GNAS: variants seen among roughly 807,000 people sequenced by gnomAD.
The protein encoded by GNAS is protein ALEX.
A neutral mutation model predicts 54.5 loss-of-function variants in GNAS; 8 were observed. The observed-to-expected ratio is 0.15, with a 90% CI of 0.09 to 0.26. The LOEUF (loss-of-function observed/expected upper bound fraction) is 0.26. GNAS is among the 10% of genes least tolerant of loss of function. The pLI is 1.00. For missense variants in GNAS, 170 were observed against 529.8 expected (o/e 0.32, Z 6.67); for synonymous variants, 204 against 191.4 (o/e 1.07, Z -0.54).
At chr20:58,878,902 G>A (rs1327598292) in intron 1 of GNAS, among the ~76,000 whole-genome samples, 14 of 145,904 alleles carry the variant, frequency 9.6e-5, no homozygotes, top group African/African-American at 3.6e-4. Flanking sequence ...GGTGGTGGTG[G>A]GGGTGCGGGT....
upstream of GNAS, among the ~76,000 whole-genome samples, chr20:58,889,886 G>T (rs920423385): frequency 1.3e-5 from 2 of 151,598 alleles, no homozygotes; most frequent in African/African-American, 2.4e-5. Flanking sequence ...CCACCATGCT[G>T]AAGATGGCCA....
rs1207881373 is a variant in GNAS at position 58,853,289 on chromosome 20, C to T, written c.43+12403C>T. The T allele has an allele frequency of 6.5e-7, 1 of 1,548,578 alleles. No homozygotes were observed. The highest frequency in any genetic ancestry group is 1.2e-5 in the South Asian group (1 of 84,044). On this transcript the variant is annotated intron_variant, in intron 1 of 12. Transcript: ENST00000306090. This position sits in a 1 kb window ranked among gnomAD's most constrained non-coding sequence, Gnocchi z 4.4. ...TTATGGGCGTGCGCAACTGCCTCTACGGCAATAATATGTCAGGACAACGCG... is the reference window on the plus strand; with the variant it reads ...TTATGGGCGTGCGCAACTGCCTCTATGGCAATAATATGTCAGGACAACGCG...
intron 1 of GNAS, among the ~76,000 whole-genome samples, chr20:58,881,275 G>A (rs922107637): frequency 1.3e-5 from 2 of 152,310 alleles, no homozygotes; most frequent in Non-Finnish European, 2.9e-5. Context: ...CAATGGTTAT[G>A]AGTAAAAGGA....
chr20:58,876,144 A>G lies in GNAS; in HGVS notation c.44-19468A>G, dbSNP rs201991094. ...CATCTTGACTTGCCAGATATTAGCAATACTCTTATAGAAACCCAAAAGCCT... is the reference window on the plus strand; with the variant it reads ...CATCTTGACTTGCCAGATATTAGCAGTACTCTTATAGAAACCCAAAAGCCT... On this transcript the variant is annotated intron_variant, in intron 1 of 12. Transcript: ENST00000306090. Among the ~76,000 whole-genome samples the G allele has an allele frequency of 5.3e-5, 8 of 152,290 alleles. No homozygotes were observed. In the East Asian group the frequency reaches 1.5e-3, roughly 29 times the overall value.
chr20:58,902,659 CA>C (rs1289787648), intron 3 of GNAS, among the ~76,000 whole-genome samples: 14 of 149,652 alleles, frequency 9.4e-5, no homozygotes, highest in Non-Finnish European at 1.9e-4. Context: ...GACCAACATG[CA>C]CTAACATCAT....
intron 1 of GNAS, among the ~76,000 whole-genome samples, chr20:58,878,508 C>T (rs539646999): frequency 6.1e-4 from 93 of 152,316 alleles, no homozygotes; most frequent in African/African-American, 2.1e-3. Flanking sequence ...AGTGCAACAT[C>T]TGCAGAATCT....
rs555228347 is a variant in GNAS at position 58,896,285 on chromosome 20, A to T, written c.212+601A>T. Among the ~76,000 whole-genome samples the T allele has an allele frequency of 2.0e-5, 3 of 152,280 alleles. No individual in the cohort carries two copies. In the East Asian group the frequency reaches 5.8e-4, roughly 29 times the overall value. On this transcript the variant is annotated intron_variant, in intron 2 of 12. Coordinates refer to ENST00000371085, the MANE Select transcript of GNAS (RefSeq NM_000516.7). ...GGGTAAATCATTGTTTCCCTTTAAAACAAAAAACAAATCAGTACCCCTGCC... is the reference window on the plus strand; with the variant it reads ...GGGTAAATCATTGTTTCCCTTTAAATCAAAAAACAAATCAGTACCCCTGCC...
At position 58,876,318 on chromosome 20, in the gene GNAS, T is replaced by G. The variant is rs559962840; in HGVS notation, c.44-19294T>G. On this transcript the variant is annotated intron_variant, in intron 1 of 12. Transcript: ENST00000306090. ...TGACAGCTGGGATGAATATTATGAG[T>G]CCCTCCCATAATGTGTATTTGAATA... 5.9e-5 allele frequency among the ~76,000 whole-genome samples: 9 copies of G among 152,150 alleles called. No homozygotes were observed. In the East Asian group the frequency reaches 1.5e-3, roughly 26 times the overall value.
At chr20:58,847,881 G>A (rs946037317) in intron 1 of GNAS, among the ~76,000 whole-genome samples, 2 of 152,166 alleles carry the variant, frequency 1.3e-5, no homozygotes, top group Non-Finnish European at 2.9e-5. Flanking sequence ...ATCCCAGAAT[G>A]TAAGTAGAAA....
Position 58,898,954 on chromosome 20 carries a change from G to C in GNAS, c.226G>C (p.Asp76His). 3.1e-6 allele frequency: 5 copies of C among 1,613,966 alleles called. No individual in the cohort carries two copies. Among genetic ancestry groups the C allele is most frequent in the Non-Finnish European group, 4.2e-6 (5 of 1,179,856 alleles). ...NGFNGEGGEE[D>H]PQAARSNSDG... ...TCTCTTTAAAAGGGGCGGCGAAGAG[G>C]ACCCGCAGGCTGCAAGGAGCAACAG... The change falls in exon 3 of 13, where the codon GAC (aspartate) becomes CAC (histidine). Residue 76 changes from aspartate to histidine, a missense_variant. Transcript: ENST00000371085.
chr20:58,846,397 A>G (rs576545615), intron 1 of GNAS, among the ~76,000 whole-genome samples: 115 of 152,346 alleles, frequency 7.5e-4, no homozygotes, highest in African/African-American at 2.6e-3. Flanking sequence ...AATGAGGCTC[A>G]CAGATTCGAC....
intron 1 of GNAS, among the ~76,000 whole-genome samples, chr20:58,847,837 G>T (rs2085994600): frequency 6.6e-6 from 1 of 152,190 alleles, no homozygotes; most frequent in Non-Finnish European, 1.5e-5. Context: ...ACCTAAACTT[G>T]AGATATGCCT....
In GNAS at chr20:58,841,616, G is replaced by A; in HGVS notation, c.43+730G>A. On this transcript the variant is annotated intron_variant, in intron 1 of 12. Coordinates refer to the GNAS transcript ENST00000306090. The surrounding 1 kb of genome is among the most constrained non-coding windows in gnomAD (Gnocchi z 5.0). ...CCTCAAAGAGCGTGCGCACCTGCCC[G>A]CGCGCGCCGGAGCTGACCTCTCCCG... 2.9e-6 allele frequency: 3 copies of A among 1,049,520 alleles called. No individual in the cohort carries two copies. Among genetic ancestry groups the A allele is most frequent in the South Asian group, 9.1e-5 (2 of 21,860 alleles). The allele number at this position is 1,049,520 out of a possible 1,614,324, so 65.0% of individuals were successfully genotyped here.
Position 58,910,332 on chromosome 20 carries a change from A to T in GNAS, c.971-2A>T. The T allele has an allele frequency of 6.2e-7, 1 of 1,603,144 alleles. No homozygotes were observed. Among genetic ancestry groups the T allele is most frequent in the Non-Finnish European group, 8.5e-7 (1 of 1,170,118 alleles). On this transcript the variant is annotated splice_acceptor_variant, in intron 11 of 12. Transcript: ENST00000371085. LOFTEE classifies it high-confidence loss of function. The surrounding 1 kb of genome is among the most constrained non-coding windows in gnomAD (Gnocchi z 5.8). ...ATTAATATGTATTCCCTTTTTATAT[A>T]GCTACTCCCGAGCCCGGAGAGGACC...
At position 58,863,923 on chromosome 20, in the gene GNAS, A is replaced by C. The variant is rs536801399; in HGVS notation, c.43+23037A>C. 1 of 152,718 alleles carries C rather than the reference A, an allele frequency of 6.5e-6. No homozygotes were observed. Among genetic ancestry groups the C allele is most frequent in the East Asian group, 1.9e-4 (1 of 5,194 alleles). The allele number at this position is 152,718 out of a possible 1,614,324, so 9.5% of individuals were successfully genotyped here. On this transcript the variant is annotated intron_variant, in intron 1 of 12. Coordinates refer to the GNAS transcript ENST00000306090. The surrounding 1 kb of genome is among the most constrained non-coding windows in gnomAD (Gnocchi z 4.1). Reference sequence around the variant, plus strand: ...GAAAAAATGAATAATGCTTATCATGATCCACAGAAACTAAAGTCAGGCATT... The same window carrying C: ...GAAAAAATGAATAATGCTTATCATGCTCCACAGAAACTAAAGTCAGGCATT...
At chr20:58,886,216 C>G (rs886232279) in intron 1 of GNAS, among the ~76,000 whole-genome samples, 5 of 152,198 alleles carry the variant, frequency 3.3e-5, no homozygotes, top group Admixed American at 2.0e-4. Flanking sequence ...GGACGTTGTT[C>G]ATTGTTGTCA....
At chr20:58,892,070 G>C in intron 1 of GNAS, 1 of 958,162 alleles carries the variant, frequency 1.0e-6, no homozygotes, top group Non-Finnish European at 1.2e-6. Context: ...AACGGGGCGG[G>C]GGGCCGTGGC....
At chr20:58,874,242 G>A (rs2087645184) in intron 1 of GNAS, among the ~76,000 whole-genome samples, 1 of 152,236 alleles carries the variant, frequency 6.6e-6, no homozygotes, top group African/African-American at 2.4e-5. Context: ...TGCTGAGGAG[G>A]CAGTCTTGCT....
chr20:58,909,876 C>A lies in GNAS; in HGVS notation c.839+72C>A, dbSNP rs1298041639. 2.0e-5 allele frequency: 33 copies of A among 1,612,252 alleles called. No homozygotes were observed. Among genetic ancestry groups the A allele is most frequent in the Non-Finnish European group, 2.8e-5 (33 of 1,179,054 alleles). ...GGTCTGCACTGTTTATAGAGAAGAA[C>A]CCCGTGCAAGCATTCCAGACCCCTG... is the stretch of plus-strand genomic sequence containing the variant. On this transcript the variant is annotated intron_variant, in intron 10 of 12. Coordinates refer to ENST00000371085, the MANE Select transcript of GNAS (RefSeq NM_000516.7). This position sits in a 1 kb window ranked among gnomAD's most constrained non-coding sequence, Gnocchi z 7.3.
Sources: gnomAD v4.1 joint callset for allele counts (sites outside exome capture counted in the v4.1 genomes callset) on GRCh38, gnomAD v4.1.1 for gene constraint, Gnocchi (gnomAD v3.1) non-coding constraint, MANE v1.5 for transcripts, NCBI Gene and HGNC (gene_info 2026-07-23, HGNC 2026-07-21) for gene names.